APLP2: variants seen among roughly 807,000 people sequenced by gnomAD.
APLP2 encodes the protein amyloid beta precursor like protein 2.
Under a neutral mutation model 89.9 loss-of-function variants are expected in APLP2, and 53 were observed. The observed-to-expected ratio is 0.59, with a 90% CI of 0.47 to 0.74. APLP2 has a LOEUF of 0.74. APLP2 is among the 30% of genes least tolerant of loss of function. The pLI is 0.00. For missense variants in APLP2, 973 were observed against 975.9 expected, an observed-to-expected ratio of 1.00 and a Z score of 0.04; for synonymous variants, 372 against 348.6, an observed-to-expected ratio of 1.07 and a Z score of -0.75.
chr11:130,110,043 T>C (rs755094855), intron 2 of APLP2, among the ~76,000 whole-genome samples: 37 of 152,350 alleles, frequency 2.4e-4, no homozygotes, highest in Non-Finnish European at 5.1e-4. Context: ...TCTTGCTACA[T>C]TGGCCAGGGT....
At chr11:130,070,449 C>A in intron 1 of APLP2, 2 of 915,876 alleles carry the variant, frequency 2.2e-6, no homozygotes, top group Non-Finnish European at 2.8e-6. Flanking sequence ...GCTCCTCTCC[C>A]GCCGGAGTCC....
intron 3 of APLP2, among the ~76,000 whole-genome samples, chr11:130,119,439 A>G (rs1046675924): frequency 5.3e-5 from 8 of 152,192 alleles, no homozygotes; most frequent in African/African-American, 1.9e-4. Context: ...AACATGGCCA[A>G]ACAAGAGACG....
Position 130,141,461 on chromosome 11 carries a change from C to T in APLP2, c.1924-37C>T. Reference sequence around the variant, plus strand: ...GTAAATACCAAACTCCCCGTTCACCCAGTTGCTTGCTGCCGACATTCTCAT... The same window carrying T: ...GTAAATACCAAACTCCCCGTTCACCTAGTTGCTTGCTGCCGACATTCTCAT... On this transcript the variant is annotated intron_variant, in intron 14 of 16. Transcript: ENST00000338167. The surrounding 1 kb of genome is among the most constrained non-coding windows in gnomAD (Gnocchi z 4.2). 6.4e-7 allele frequency: 1 copy of T among 1,554,448 alleles called. No homozygotes were observed. Among genetic ancestry groups the T allele is most frequent in the Non-Finnish European group, 8.9e-7 (1 of 1,125,986 alleles).
chr11:130,133,352 C>T (rs575405435), intron 11 of APLP2, among the ~76,000 whole-genome samples: 41 of 152,194 alleles, frequency 2.7e-4, no homozygotes, highest in African/African-American at 9.2e-4. Context: ...CAAACTCCTT[C>T]GCTCAAGTGA....
intron 1 of APLP2, among the ~76,000 whole-genome samples, chr11:130,089,122 G>GA (rs980344385): frequency 2.4e-4 from 37 of 152,228 alleles, no homozygotes; most frequent in African/African-American, 8.7e-4. Context: ...GTCAGAATTA[G>GA]AAAGCTGGAC....
At chr11:130,083,102 C>A (rs536281970) in intron 1 of APLP2, among the ~76,000 whole-genome samples, 2 of 128,046 alleles carry the variant, frequency 1.6e-5, no homozygotes, top group East Asian at 5.6e-4. Flanking sequence ...GTGGCACAAT[C>A]ATAGCTCACT....
intron 1 of APLP2, among the ~76,000 whole-genome samples, chr11:130,076,696 C>T (rs1942187735): frequency 2.0e-5 from 3 of 152,142 alleles, no homozygotes; most frequent in Admixed American, 2.0e-4. Context: ...GGGCACACTC[C>T]CCAGTGGTTG....
chr11:130,126,317 C>T (rs1950360694), intron 7 of APLP2, among the ~76,000 whole-genome samples: 1 of 152,186 alleles, frequency 6.6e-6, no homozygotes, highest in Admixed American at 6.5e-5. Flanking sequence ...GGGTCTGATT[C>T]CTGCCCTTGT....
chr11:130,141,617 G>A lies in APLP2; in HGVS notation c.1998+45G>A, dbSNP rs201798162. The A allele has an allele frequency of 3.9e-4, 607 of 1,553,018 alleles. 1 individual carries two copies. Among genetic ancestry groups the A allele is most frequent in the Middle Eastern group, 2.7e-3 (16 of 5,954 alleles). ...ACCTAAGGTTTCCTGCCAATCTTAG[G>A]TATTTCTCCTCTGGACCTTCTCAGT... On this transcript the variant is annotated intron_variant, in intron 15 of 16. Coordinates refer to ENST00000338167, the MANE Select transcript of APLP2 (RefSeq NM_001142276.2). This position sits in a 1 kb window ranked among gnomAD's most constrained non-coding sequence, Gnocchi z 4.2.
At position 130,070,143 on chromosome 11, in the gene APLP2, C is replaced by CGGGCGGGCAGCGGGGTCCGCGGCA. The variant is rs1387716575; in HGVS notation, c.105+70_105+93dup. ...TCGCCCGCCGGAGGAGCGCGGACTG[C>CGGGCGGGCAGCGGGGTCCGCGGCA]GGGCGGGCAGCGGGGTCCGCGGCAG... On this transcript the variant is annotated intron_variant, in intron 1 of 16. Coordinates refer to ENST00000338167, the MANE Select transcript of APLP2 (RefSeq NM_001142276.2). 4 of 1,168,672 alleles carry CGGGCGGGCAGCGGGGTCCGCGGCA rather than the reference C, an allele frequency of 3.4e-6. No homozygotes were observed. The African/African-American group carries it at 6.5e-5, about 19-fold the overall frequency. 72.4% of individuals were successfully genotyped at this position (1,168,672 alleles called of 1,614,324 possible).
At chr11:130,094,953 GA>G (rs534030442) in intron 1 of APLP2, among the ~76,000 whole-genome samples, 15 of 152,314 alleles carry the variant, frequency 9.8e-5, no homozygotes, top group African/African-American at 3.6e-4. Flanking sequence ...ACACTGAAGG[GA>G]ATTTTACTGA....
chr11:130,127,426 G>A (rs1171904269), intron 8 of APLP2, among the ~76,000 whole-genome samples: 3 of 152,170 alleles, frequency 2.0e-5, no homozygotes, highest in Non-Finnish European at 4.4e-5. Context: ...CCCATGTTGG[G>A]CTTACAGTTT....
At chr11:130,103,380 T>C (rs1947202821) in intron 1 of APLP2, among the ~76,000 whole-genome samples, 1 of 152,174 alleles carries the variant, frequency 6.6e-6, no homozygotes, top group Admixed American at 6.5e-5. Context: ...ATATTAGCTG[T>C]CTGGATTGAT....
chr11:130,102,840 A>G (rs1443200972), intron 1 of APLP2, among the ~76,000 whole-genome samples: 1 of 152,250 alleles, frequency 6.6e-6, no homozygotes, highest in East Asian at 1.9e-4. Flanking sequence ...CTGTTCCCCA[A>G]GCCAAATTAA....
intron 1 of APLP2, among the ~76,000 whole-genome samples, chr11:130,093,185 C>G (rs895197859): frequency 6.6e-5 from 10 of 152,218 alleles, no homozygotes; most frequent in Admixed American, 5.9e-4. Context: ...AAAGGCCGCT[C>G]TTGACCTTGT....
At chr11:130,086,905 T>A (rs1270438264) in intron 1 of APLP2, among the ~76,000 whole-genome samples, 1 of 152,206 alleles carries the variant, frequency 6.6e-6, no homozygotes, top group Non-Finnish European at 1.5e-5. Flanking sequence ...AGTTTTGAAA[T>A]CAGGAAGTAT....
intron 4 of APLP2, 77 bp downstream of exon 4, chr11:130,120,895 C>A: frequency 2.0e-6 from 2 of 1,007,458 alleles, no homozygotes. Context: ...CAAATCTCAC[C>A]ATGCTTTTAA....
intron 2 of APLP2, 140 bp from the exon 3 acceptor site, chr11:130,110,398 G>A: frequency 9.7e-7 from 1 of 1,025,776 alleles, no homozygotes; most frequent in Non-Finnish European, 1.4e-6. Context: ...TTCAGTTAGA[G>A]CCAGGGATAA....
In APLP2 at chr11:130,130,072, T is replaced by C; in HGVS notation, c.1490T>C (p.Val497Ala). The C allele has an allele frequency of 2.5e-6, 4 of 1,614,242 alleles. No individual in the cohort carries two copies. Among genetic ancestry groups the C allele is most frequent in the Non-Finnish European group, 3.4e-6 (4 of 1,180,038 alleles). The change falls in exon 11 of 17, where the codon GTC (valine) becomes GCC (alanine). Residue 497 changes from valine to alanine, a missense_variant. Transcript: ENST00000338167. ...ATTCTCCAGGCCTTACGGCGTTATGTCCGTGCTGAGAACAAAGATCGCTTA... is the reference window on the plus strand; with the variant it reads ...ATTCTCCAGGCCTTACGGCGTTATGCCCGTGCTGAGAACAAAGATCGCTTA... ...HRILQALRRYVRAENKDRLHT... is the reference protein window; with the variant it reads ...HRILQALRRYARAENKDRLHT...
Sources: gnomAD v4.1 joint callset for allele counts (sites outside exome capture counted in the v4.1 genomes callset) on GRCh38, gnomAD v4.1.1 for gene constraint, Gnocchi (gnomAD v3.1) non-coding constraint, MANE v1.5 for transcripts, NCBI Gene and HGNC (gene_info 2026-07-23, HGNC 2026-07-21) for gene names.